Variants in FRK observed in about 807,000 individuals in gnomAD.
The protein encoded by FRK is fyn related Src family tyrosine kinase, also known as tyrosine-protein kinase FRK.
FRK carries 51 observed loss-of-function variants against 56.4 expected under a neutral mutation model. The ratio of observed to expected loss-of-function variants is 0.90; its 90% confidence interval spans 0.72 to 1.14. The LOEUF (loss-of-function observed/expected upper bound fraction) is 1.14. Ranked by LOEUF, FRK falls within the 50% of genes most tolerant of loss-of-function variation. The pLI is 0.00. For synonymous variants in FRK, 245 were observed against 217.9 expected (o/e 1.12, Z -1.10); for missense variants, 570 against 601.4 (o/e 0.95, Z 0.55).
intron 1 of FRK, among the ~76,000 whole-genome samples, chr6:116,028,221 C>T (rs1447493855): frequency 1.3e-5 from 2 of 152,122 alleles, no homozygotes; most frequent in Non-Finnish European, 2.9e-5. Context: ...TTTTTTCTGA[C>T]AGGAAATCAC....
At position 115,938,495 on chromosome 6, in the gene FRK, T is replaced by C. The variant is rs1329523311; in HGVS notation, c.*3919A>G. On this transcript the variant is annotated 3_prime_UTR_variant, in exon 8 of 8. Transcript: ENST00000606080. ...AAGATCAGAACAGAACTGAAGGTGA[T>C]AGAGACATGAAAAACCTTTCAAAAA... is the stretch of plus-strand genomic sequence containing the variant. 2.0e-5 allele frequency: 3 copies of C among 152,132 alleles called. No homozygotes were observed. The highest frequency in any genetic ancestry group is 4.8e-5 in the African/African-American group (2 of 41,426). 9.4% of individuals were successfully genotyped at this position (152,132 alleles called of 1,614,324 possible).
intron 1 of FRK, among the ~76,000 whole-genome samples, chr6:116,056,359 T>G (rs756146492): frequency 1.3e-5 from 2 of 152,088 alleles, no homozygotes; most frequent in Non-Finnish European, 2.9e-5. Flanking sequence ...TAGCTGGGAC[T>G]ACAGGTTTGT....
chr6:116,060,434 T>TTG lies in FRK; in HGVS notation c.-124_-123insCA. ...CACCAACTCACCATACTTCGGAGAG[T>TTG]ATGCAAAGTCCCGTTTCAGATCAGT... On this transcript the variant is annotated 5_prime_UTR_variant, in exon 1 of 8. Transcript: ENST00000606080. 1.4e-6 allele frequency: 1 copy of TTG among 722,906 alleles called. No individual in the cohort carries two copies. Among genetic ancestry groups the TTG allele is most frequent in the Non-Finnish European group, 2.3e-6 (1 of 438,112 alleles). 44.8% of individuals were successfully genotyped at this position (722,906 alleles called of 1,614,324 possible). A position where few individuals can be genotyped will look rare whatever the true frequency, so the allele number is the denominator to read the frequency against.
At chr6:115,995,074 G>A (rs972268318) in intron 2 of FRK, among the ~76,000 whole-genome samples, 12 of 152,214 alleles carry the variant, frequency 7.9e-5, no homozygotes, top group African/African-American at 1.9e-4. Context: ...GATCTGATGC[G>A]TAGGTCAAAA....
rs1284580882 is a variant in FRK at position 115,933,855 on chromosome 6, A to G, written c.*8559T>C. ...CAAGTTGTTCTATACACAGTCAACT[A>G]ATTTGAAAGATTAGTGTTGATCTTA... On this transcript the variant is annotated 3_prime_UTR_variant, in exon 8 of 8. Transcript: ENST00000606080. 2.6e-5 allele frequency: 4 copies of G among 152,194 alleles called. No individual in the cohort carries two copies. Among genetic ancestry groups the G allele is most frequent in the East Asian group, 1.9e-4 (1 of 5,206 alleles). 9.4% of individuals were successfully genotyped at this position (152,194 alleles called of 1,614,324 possible). A position where few individuals can be genotyped will look rare whatever the true frequency, so the allele number is the denominator to read the frequency against.
intron 1 of FRK, among the ~76,000 whole-genome samples, chr6:116,045,192 A>G (rs2114799797): frequency 6.6e-6 from 1 of 152,340 alleles, no homozygotes; most frequent in East Asian, 1.9e-4. Flanking sequence ...TATCCCCATC[A>G]AGCTACCACT....
chr6:115,958,692 GAAAGAAAGAAAGAAGA>G (rs1773146141), intron 4 of FRK, among the ~76,000 whole-genome samples: 3 of 15,076 alleles, frequency 2.0e-4, no homozygotes, highest in African/African-American at 6.9e-4. Context: ...AAGAAAGAAA[GAAAGAAAGAAAGAAGA>G]AAGAAAGAAA....
chr6:116,037,597 T>A (rs1300172833), intron 1 of FRK, among the ~76,000 whole-genome samples: 1 of 152,208 alleles, frequency 6.6e-6, no homozygotes, highest in Non-Finnish European at 1.5e-5. Context: ...CAGCCTTCCC[T>A]CAGCTACTGC....
chr6:115,939,734 TACAAAG>T lies in FRK; in HGVS notation c.*2674_*2679del, dbSNP rs1772122129. On this transcript the variant is annotated 3_prime_UTR_variant, in exon 8 of 8. Coordinates refer to ENST00000606080, the MANE Select transcript of FRK (RefSeq NM_002031.3). ...TGAGTGAACTCCCATTCACAATTGC[TACAAAG>T]AGAATGAAATATCTAGGATTACAAC... The T allele has an allele frequency of 6.6e-6, 1 of 152,160 alleles. No homozygotes were observed. The highest frequency in any genetic ancestry group is 2.1e-4 in the South Asian group (1 of 4,834). 9.4% of individuals were successfully genotyped at this position (152,160 alleles called of 1,614,324 possible). A position where few individuals can be genotyped will look rare whatever the true frequency, so the allele number is the denominator to read the frequency against.
chr6:115,956,279 C>T (rs1198940447), intron 5 of FRK, among the ~76,000 whole-genome samples, 173 bp downstream of exon 5: 1 of 152,138 alleles, frequency 6.6e-6, no homozygotes, highest in East Asian at 1.9e-4. Context: ...TTTGAATATA[C>T]AATATATAAC....
At chr6:116,076,493 AT>A in the FRK span, among the ~76,000 whole-genome samples, 1 of 152,158 alleles carries the variant, frequency 6.6e-6, no homozygotes, top group East Asian at 1.9e-4. Context: ...AGAAATTATT[AT>A]TTTTTTCATC....
At chr6:116,097,922 G>C in the FRK span, among the ~76,000 whole-genome samples, 1 of 152,008 alleles carries the variant, frequency 6.6e-6, no homozygotes, top group Non-Finnish European at 1.5e-5. Context: ...ACACTGATTT[G>C]AGTCAATTAT....
chr6:115,943,594 G>T (rs1981194), intron 6 of FRK, among the ~76,000 whole-genome samples: 6,149 of 151,246 alleles, frequency 0.041, 336 homozygotes, highest in Admixed American at 0.15. Context: ...TGCTAATAAT[G>T]AAAAGTAGGA....
the FRK span, among the ~76,000 whole-genome samples, chr6:116,088,955 T>A: frequency 6.6e-6 from 1 of 152,216 alleles, no homozygotes; most frequent in Non-Finnish European, 1.5e-5. Flanking sequence ...TCCTGAAATA[T>A]GTTCATATTT....
At chr6:115,975,246 T>C (rs1480030886) in intron 2 of FRK, among the ~76,000 whole-genome samples, 1 of 152,120 alleles carries the variant, frequency 6.6e-6, no homozygotes, top group Non-Finnish European at 1.5e-5. Context: ...CAGAATTTTT[T>C]TTTCATCTCT....
intron 2 of FRK, among the ~76,000 whole-genome samples, chr6:115,978,128 T>C (rs1704879264): frequency 6.6e-6 from 1 of 152,122 alleles, no homozygotes; most frequent in Admixed American, 6.6e-5. Context: ...CTGCAATAAA[T>C]CACCAGGAAT....
chr6:116,000,526 C>T (rs1023804156), intron 2 of FRK, among the ~76,000 whole-genome samples: 3 of 152,052 alleles, frequency 2.0e-5, no homozygotes, highest in African/African-American at 7.2e-5. Flanking sequence ...TACTTACAGG[C>T]ATGAGCCACC....
chr6:115,990,640 T>A (rs1390377715), intron 2 of FRK, among the ~76,000 whole-genome samples: 1 of 151,928 alleles, frequency 6.6e-6, no homozygotes, highest in African/African-American at 2.4e-5. Context: ...GTATGCCTAC[T>A]TTTGTACCAT....
At chr6:115,958,680 GAAA>G (rs1562257187) in intron 4 of FRK, among the ~76,000 whole-genome samples, 25 of 9,002 alleles carry the variant, frequency 2.8e-3, no homozygotes, top group African/African-American at 3.9e-3. Context: ...AAGAAAGAAA[GAAA>G]GAAAGAAAGA....
Sources: gnomAD v4.1 joint callset for allele counts (sites outside exome capture counted in the v4.1 genomes callset) on GRCh38, gnomAD v4.1.1 for gene constraint, MANE v1.5 for transcripts, NCBI Gene and HGNC (gene_info 2026-07-23, HGNC 2026-07-21) for gene names.